The following MATCAP2 variants were observed in gnomAD, a reference collection of about 807,000 sequenced individuals.
MATCAP2 encodes putative tyrosine carboxypeptidase MATCAP2.
the MATCAP2 span, among the ~76,000 whole-genome samples, chr7:36,383,706 T>G: frequency 1.3e-5 from 2 of 152,158 alleles, no homozygotes; most frequent in African/African-American, 4.8e-5. Context: ...GAGAAATACC[T>G]AATATAGATG....
the MATCAP2 span, chr7:36,331,198 C>T: frequency 1.7e-6 from 1 of 580,158 alleles, no homozygotes; most frequent in African/African-American, 1.9e-5. Flanking sequence ...AGTTTGCCAA[C>T]ATTTATTTTT....
chr7:36,384,376 C>T, the MATCAP2 span, among the ~76,000 whole-genome samples: 1 of 152,152 alleles, frequency 6.6e-6, no homozygotes, highest in Non-Finnish European at 1.5e-5. Flanking sequence ...AGGGAAGACA[C>T]TTTTGATGAT....
chr7:36,357,488 G>A, the MATCAP2 span: 138 of 1,613,814 alleles, frequency 8.6e-5, no homozygotes, highest in Middle Eastern at 1.6e-4. Flanking sequence ...TAGCACTCCC[G>A]AGGACAAATG....
the MATCAP2 span, among the ~76,000 whole-genome samples, chr7:36,341,344 G>T: frequency 6.6e-6 from 1 of 152,196 alleles, no homozygotes; most frequent in East Asian, 1.9e-4. Context: ...GAAGAAAAAA[G>T]AGATGTGATA....
At chr7:36,360,276 C>T in the MATCAP2 span, among the ~76,000 whole-genome samples, 7 of 152,164 alleles carry the variant, frequency 4.6e-5, no homozygotes, top group Admixed American at 3.9e-4. Flanking sequence ...TAATTTTGTG[C>T]CATCTGAAAC....
the MATCAP2 span, among the ~76,000 whole-genome samples, chr7:36,383,243 T>A: frequency 6.6e-6 from 1 of 152,232 alleles, no homozygotes; most frequent in African/African-American, 2.4e-5. Flanking sequence ...CCTTTGATGG[T>A]TGTTGTTTCT....
At chr7:36,359,716 C>T in the MATCAP2 span, among the ~76,000 whole-genome samples, 1 of 152,170 alleles carries the variant, frequency 6.6e-6, no homozygotes. Context: ...ACAAAACGTT[C>T]ATCATAGGCT....
At chr7:36,372,072 C>T in the MATCAP2 span, among the ~76,000 whole-genome samples, 1 of 124,270 alleles carries the variant, frequency 8.0e-6, no homozygotes, top group South Asian at 3.4e-4. Flanking sequence ...ATCATGCTTG[C>T]AACTGAAAAA....
chr7:36,337,118 A>AAAAAAAAAAAAAAAAAAAC, the MATCAP2 span, among the ~76,000 whole-genome samples: 1 of 147,006 alleles, frequency 6.8e-6, no homozygotes, highest in South Asian at 2.1e-4. Flanking sequence ...AAAAAAAAAA[A>AAAAAAAAAAAAAAAAAAAC]AAAAAAAGCA....
chr7:36,378,013 T>C, the MATCAP2 span, among the ~76,000 whole-genome samples: 2 of 152,224 alleles, frequency 1.3e-5, no homozygotes, highest in South Asian at 4.1e-4. Context: ...TAATGTTTTT[T>C]CAAGGTTTTT....
the MATCAP2 span, among the ~76,000 whole-genome samples, chr7:36,351,986 G>GA: frequency 6.8e-6 from 1 of 146,556 alleles, no homozygotes; most frequent in Non-Finnish European, 1.5e-5. Context: ...ATAACACAAG[G>GA]AAAATAAGTT....
At chr7:36,383,080 C>T in the MATCAP2 span, among the ~76,000 whole-genome samples, 1 of 152,038 alleles carries the variant, frequency 6.6e-6, no homozygotes, top group Non-Finnish European at 1.5e-5. Flanking sequence ...TTCATGCTCA[C>T]TCTGGAATCT....
chr7:36,350,723 G>A, the MATCAP2 span, among the ~76,000 whole-genome samples: 3,978 of 151,978 alleles, frequency 0.026, 254 homozygotes, highest in East Asian at 0.22. Context: ...TGTATTTTTC[G>A]TAGAGACAGG....
At chr7:36,359,942 G>A in the MATCAP2 span, among the ~76,000 whole-genome samples, 1 of 152,164 alleles carries the variant, frequency 6.6e-6, no homozygotes, top group Non-Finnish European at 1.5e-5. Flanking sequence ...AAAAGGGAAA[G>A]ACTGAAAGAA....
the MATCAP2 span, chr7:36,389,941 A>T: frequency 6.2e-7 from 1 of 1,611,902 alleles, no homozygotes; most frequent in Admixed American, 1.7e-5. Flanking sequence ...GGTTTTTTCC[A>T]GGAGACACAC....
At chr7:36,336,499 A>G in the MATCAP2 span, among the ~76,000 whole-genome samples, 1 of 152,196 alleles carries the variant, frequency 6.6e-6, no homozygotes, top group Non-Finnish European at 1.5e-5. Flanking sequence ...CACTTTAGCA[A>G]TACGAACTCT....
the MATCAP2 span, among the ~76,000 whole-genome samples, chr7:36,378,812 G>A: frequency 5.3e-5 from 8 of 152,206 alleles, no homozygotes; most frequent in Non-Finnish European, 1.5e-5. Context: ...AACGGCAGAC[G>A]CCCCTTCCCC....
the MATCAP2 span, chr7:36,335,140 C>T: frequency 3.3e-5 from 54 of 1,613,698 alleles, no homozygotes; most frequent in South Asian, 7.7e-5. Context: ...CTGTCATTGA[C>T]GCTCGGGAAA....
chr7:36,330,338 A>C, the MATCAP2 span, among the ~76,000 whole-genome samples: 2 of 152,136 alleles, frequency 1.3e-5, no homozygotes, highest in African/African-American at 4.8e-5. Flanking sequence ...CTCCTGCCTC[A>C]GCCTCCCACC....
Sources: allele counts gnomAD v4.1 joint callset (sites outside exome capture counted in the v4.1 genomes callset), GRCh38; gene constraint gnomAD v4.1.1; transcripts MANE v1.5; gene names NCBI Gene and HGNC (gene_info 2026-07-23, HGNC 2026-07-21).